The following ARHGAP12 variants were observed in gnomAD, a reference collection of about 807,000 sequenced individuals.
ARHGAP12 encodes rho GTPase-activating protein 12.
A neutral mutation model predicts 108.6 loss-of-function variants in ARHGAP12; 64 were observed. The ratio of observed to expected loss-of-function variants is 0.59; its 90% CI spans 0.48 to 0.73. ARHGAP12 has a LOEUF of 0.73. Ranked by LOEUF, ARHGAP12 falls within the 30% of genes least tolerant of loss-of-function variation. ARHGAP12 has a pLI of 0.00. For synonymous variants in ARHGAP12, 312 were observed against 337.2 expected, an observed-to-expected ratio of 0.93 and a Z score of 0.82; for missense variants, 940 against 1,005.9, an observed-to-expected ratio of 0.93 and a Z score of 0.89.
chr10:31,862,325 AAGT>A (rs1185220891), intron 3 of ARHGAP12, among the ~76,000 whole-genome samples: 2 of 152,228 alleles, frequency 1.3e-5, no homozygotes, highest in African/African-American at 2.4e-5. Context: ...AACAGTAGAA[AAGT>A]AAGAATTAGT....
chr10:31,871,456 T>G (rs1261185086), intron 3 of ARHGAP12, among the ~76,000 whole-genome samples: 1 of 152,132 alleles, frequency 6.6e-6, no homozygotes, highest in Non-Finnish European at 1.5e-5. Context: ...ACCTTACGGC[T>G]TGCTTCTGTC....
rs532346514 is a variant in ARHGAP12, at chr10:31,819,602, C to A, written c.1632+785G>T. ...CCTGAGAAGCCCTGCAGGTTCCACC[C>A]TCACCCTCTTGGAATCCTGAGGCCG... On this transcript the variant is annotated intron_variant, in intron 12 of 19. Coordinates refer to ENST00000344936, the MANE Select transcript of ARHGAP12 (RefSeq NM_018287.7). Among the ~76,000 whole-genome samples the A allele has an allele frequency of 3.4e-4, 52 of 152,274 alleles. No individual in the cohort carries two copies. In the South Asian group the frequency reaches 0.011, roughly 32 times the overall value.
intron 7 of ARHGAP12, among the ~76,000 whole-genome samples, chr10:31,842,337 TCTTAC>T (rs924378730): frequency 3.9e-4 from 59 of 152,096 alleles, no homozygotes; most frequent in African/African-American, 1.3e-3. Flanking sequence ...TAGGTATTTT[TCTTAC>T]CTAGATTAAT....
intron 15 of ARHGAP12, among the ~76,000 whole-genome samples, chr10:31,811,680 A>ATTTTATTTTT (rs1554773367): frequency 2.4e-4 from 36 of 150,024 alleles, no homozygotes; most frequent in African/African-American, 6.9e-4. Context: ...ATTTTATTTT[A>ATTTTATTTTT]TTTTTTTTAA....
chr10:31,908,844 A>G lies in ARHGAP12; in HGVS notation c.12T>C (p.Ala4=). MKM[A]DRSGKIIPGQ... is the part of the protein sequence containing the mutation. ...CTGGAATAATCTTCCCACTTCTGTC[A>G]GCCATTTTCATTCAATAATATTCAC... The change falls in exon 3 of 20, where the codon GCT becomes GCC. Residue 4 remains alanine, a synonymous_variant. Coordinates refer to ENST00000344936, the MANE Select transcript of ARHGAP12 (RefSeq NM_018287.7). The G allele has an allele frequency of 6.3e-7, 1 of 1,589,374 alleles. No individual in the cohort carries two copies. The highest frequency in any genetic ancestry group is 8.5e-7 in the Non-Finnish European group (1 of 1,172,760).
chr10:31,858,366 T>C lies in ARHGAP12; in HGVS notation c.948+3029A>G, dbSNP rs529366000. On this transcript the variant is annotated intron_variant, in intron 4 of 19. Coordinates refer to ENST00000344936, the MANE Select transcript of ARHGAP12 (RefSeq NM_018287.7). ...GCAGCACAACAGCACACATAGATCC[T>C]ATATGGCTTCAAGGAACAAGAAGAC... Among the ~76,000 whole-genome samples the C allele has an allele frequency of 2.0e-5, 3 of 152,270 alleles. No individual in the cohort carries two copies. In the South Asian group the frequency reaches 6.2e-4, roughly 32 times the overall value.
intron 4 of ARHGAP12, among the ~76,000 whole-genome samples, chr10:31,854,553 T>C (rs915707058): frequency 6.6e-6 from 1 of 152,172 alleles, no homozygotes; most frequent in Non-Finnish European, 1.5e-5. Context: ...TGTACACATA[T>C]CTGTGTGTAA....
intron 14 of ARHGAP12, 137 bp downstream of exon 14, chr10:31,814,122 A>T: frequency 2.9e-6 from 2 of 682,764 alleles, no homozygotes; most frequent in Admixed American, 5.3e-5. Flanking sequence ...TGACACACTG[A>T]GACTGCACTT....
chr10:31,839,238 A>G, intron 9 of ARHGAP12, 67 bp downstream of exon 9: 1 of 1,478,826 alleles, frequency 6.8e-7, no homozygotes, highest in South Asian at 1.2e-5. Flanking sequence ...CAGACTTGGC[A>G]ATATATTTTA....
At chr10:31,905,333 T>C (rs150523478) in intron 3 of ARHGAP12, among the ~76,000 whole-genome samples, 3,313 of 152,274 alleles carry the variant, frequency 0.022, 130 homozygotes, top group African/African-American at 0.075. Context: ...TGGCCTCAAG[T>C]GATCCTCCCA....
intron 4 of ARHGAP12, among the ~76,000 whole-genome samples, chr10:31,860,160 C>T (rs1837061495): frequency 6.6e-6 from 1 of 152,156 alleles, no homozygotes; most frequent in Non-Finnish European, 1.5e-5. Flanking sequence ...TATTACCAAA[C>T]TAAAGCTATA....
At chr10:31,881,045 C>T (rs1029987475) in intron 3 of ARHGAP12, among the ~76,000 whole-genome samples, 1 of 151,942 alleles carries the variant, frequency 6.6e-6, no homozygotes, top group African/African-American at 2.4e-5. Context: ...CCCACCTTCC[C>T]CTCCTCCATC....
At position 31,871,241 on chromosome 10, in the gene ARHGAP12, A is replaced by C. The variant is rs552157678; in HGVS notation, c.685-9583T>G. Among the ~76,000 whole-genome samples, 35 of 152,356 alleles carry C rather than the reference A, an allele frequency of 2.3e-4. No homozygotes were observed. The South Asian group carries it at 6.6e-3, about 29-fold the overall frequency. Reference sequence around the variant, plus strand: ...GATATAACACACAAATAAGGAAAACAACCTTTGAATAAGGAAACACTACTG... The same window carrying C: ...GATATAACACACAAATAAGGAAAACCACCTTTGAATAAGGAAACACTACTG... On this transcript the variant is annotated intron_variant, in intron 3 of 19. Coordinates refer to ENST00000344936, the MANE Select transcript of ARHGAP12 (RefSeq NM_018287.7).
intron 4 of ARHGAP12, among the ~76,000 whole-genome samples, chr10:31,856,812 T>C (rs754770260): frequency 2.0e-5 from 3 of 152,102 alleles, no homozygotes; most frequent in Non-Finnish European, 2.9e-5. Context: ...TCAGACTCTC[T>C]AAAACTTTAT....
chr10:31,922,702 C>G (rs1839872604), intron 1 of ARHGAP12, among the ~76,000 whole-genome samples: 1 of 152,122 alleles, frequency 6.6e-6, no homozygotes, highest in Admixed American at 6.5e-5. Flanking sequence ...GCCCAGGCGG[C>G]TTCACTGGTG....
At chr10:31,897,275 G>T (rs1324504145) in intron 3 of ARHGAP12, among the ~76,000 whole-genome samples, 1 of 152,126 alleles carries the variant, frequency 6.6e-6, no homozygotes, top group African/African-American at 2.4e-5. Flanking sequence ...TGAGGAAAGG[G>T]CACTTCCCAG....
At chr10:31,923,312 C>T (rs1012872587) in intron 1 of ARHGAP12, among the ~76,000 whole-genome samples, 2 of 152,034 alleles carry the variant, frequency 1.3e-5, no homozygotes, top group Non-Finnish European at 2.9e-5. Flanking sequence ...TCAGGTCATA[C>T]CAGTGTTTTT....
At chr10:31,924,374 G>A (rs750478911) in intron 1 of ARHGAP12, among the ~76,000 whole-genome samples, 9 of 152,044 alleles carry the variant, frequency 5.9e-5, no homozygotes, top group Non-Finnish European at 1.0e-4. Context: ...TTGTAAGAAC[G>A]GAAAGAGAAA....
At chr10:31,840,618 G>A (rs568841357) in intron 7 of ARHGAP12, among the ~76,000 whole-genome samples, 15 of 152,066 alleles carry the variant, frequency 9.9e-5, no homozygotes, top group South Asian at 4.1e-4. Context: ...TCATCTCCAC[G>A]TAGGTATCAT....
Sources: allele counts gnomAD v4.1 joint callset (sites outside exome capture counted in the v4.1 genomes callset), GRCh38; gene constraint gnomAD v4.1.1; transcripts MANE v1.5; gene names NCBI Gene and HGNC (gene_info 2026-07-23, HGNC 2026-07-21).